The following PRLR variants were observed in gnomAD, a reference collection of about 807,000 sequenced individuals.
PRLR encodes the protein prolactin receptor.
In PRLR, 13 loss-of-function variants were observed where a neutral mutation model predicts 40.2. The observed-to-expected ratio is 0.32, with a 90% confidence interval of 0.21 to 0.51. The LOEUF is 0.51. Among genes scored for constraint, PRLR ranks in the 20% least tolerant of loss-of-function variants. The probability of loss-of-function intolerance (pLI) is 0.97; values close to 1 mark genes in which losing one functional copy is unlikely to be tolerated. For synonymous variants in PRLR, 269 were observed against 278.7 expected, an observed-to-expected ratio of 0.97 and a Z score of 0.35; for missense variants, 656 against 747.3, an observed-to-expected ratio of 0.88 and a Z score of 1.42.
intron 1 of PRLR, among the ~76,000 whole-genome samples, chr5:35,173,723 C>G (rs1249956932): frequency 6.6e-6 from 1 of 152,206 alleles, no homozygotes; most frequent in Non-Finnish European, 1.5e-5. Flanking sequence ...GAAAGACACA[C>G]TGATGCTTCA....
chr5:35,192,393 A>T (rs1384684906), intron 1 of PRLR, among the ~76,000 whole-genome samples: 1 of 152,034 alleles, frequency 6.6e-6, no homozygotes, highest in Non-Finnish European at 1.5e-5. Flanking sequence ...TTCTCTAAGG[A>T]CTCCAGCATA....
chr5:35,102,505 C>CCA (rs1354273185), intron 2 of PRLR, among the ~76,000 whole-genome samples: 6,384 of 120,590 alleles, frequency 0.053, 363 homozygotes, highest in African/African-American at 0.15. Context: ...CCACTCCTCT[C>CCA]CTCTCCTCTC....
At chr5:35,079,329 C>G (rs1460974747) in intron 5 of PRLR, among the ~76,000 whole-genome samples, 2 of 152,210 alleles carry the variant, frequency 1.3e-5, no homozygotes, top group Admixed American at 6.5e-5. Context: ...AGCCCAAAAT[C>G]TCCTTAAGCT....
chr5:35,199,181 C>G (rs1180911711), intron 1 of PRLR, among the ~76,000 whole-genome samples: 2 of 152,154 alleles, frequency 1.3e-5, no homozygotes, highest in African/African-American at 4.8e-5. Context: ...TCTATGAGCT[C>G]TTCTTAATTA....
intron 1 of PRLR, among the ~76,000 whole-genome samples, chr5:35,227,970 C>T (rs1776592693): frequency 6.6e-6 from 1 of 152,168 alleles, no homozygotes; most frequent in Non-Finnish European, 1.5e-5. Flanking sequence ...ATAGTGCTCT[C>T]CTTGACACTG....
At chr5:35,091,496 G>T (rs1771209177) in intron 2 of PRLR, among the ~76,000 whole-genome samples, 1 of 152,216 alleles carries the variant, frequency 6.6e-6, no homozygotes, top group African/African-American at 2.4e-5. Flanking sequence ...AGATTTAGTA[G>T]ATTGTCAGTC....
intron 5 of PRLR, among the ~76,000 whole-genome samples, chr5:35,075,249 C>A (rs1205443211): frequency 6.6e-6 from 1 of 152,150 alleles, no homozygotes; most frequent in African/African-American, 2.4e-5. Context: ...CATTGTCTCA[C>A]CCGGGAAGTG....
At chr5:35,101,180 T>C (rs2112511378) in intron 2 of PRLR, among the ~76,000 whole-genome samples, 1 of 152,328 alleles carries the variant, frequency 6.6e-6, no homozygotes, top group East Asian at 1.9e-4. Context: ...TTCAGCCCCC[T>C]ACACTGTCAC....
chr5:35,141,232 A>G (rs1459245656), intron 1 of PRLR, among the ~76,000 whole-genome samples: 1 of 145,170 alleles, frequency 6.9e-6, no homozygotes, highest in East Asian at 2.1e-4. Flanking sequence ...ATTCCTTAAT[A>G]CCTGAAAAAA....
intron 1 of PRLR, among the ~76,000 whole-genome samples, chr5:35,221,357 A>G (rs1417942660): frequency 1.3e-5 from 2 of 152,218 alleles, no homozygotes; most frequent in Non-Finnish European, 1.5e-5. Flanking sequence ...GCTTCTGGCA[A>G]TGTGATTTCT....
intron 2 of PRLR, among the ~76,000 whole-genome samples, chr5:35,117,384 C>G (rs769498448): frequency 5.3e-5 from 8 of 152,164 alleles, no homozygotes; most frequent in Non-Finnish European, 8.8e-5. Flanking sequence ...GAGAGTACAG[C>G]CTCAAAGTCG....
At chr5:35,103,952 T>C (rs1454998203) in intron 2 of PRLR, among the ~76,000 whole-genome samples, 5 of 151,020 alleles carry the variant, frequency 3.3e-5, no homozygotes, top group Non-Finnish European at 7.4e-5. Flanking sequence ...ATATTTTCCT[T>C]TTTTTTTTAA....
intron 2 of PRLR, among the ~76,000 whole-genome samples, chr5:35,098,422 G>A (rs1001628467): frequency 2.6e-5 from 4 of 152,164 alleles, no homozygotes; most frequent in East Asian, 3.8e-4. Context: ...TAAAGTGAGC[G>A]GAGAGTAAAT....
chr5:35,114,674 G>A lies in PRLR; in HGVS notation c.-44+3387C>T, dbSNP rs571568139. Among the ~76,000 whole-genome samples the A allele has an allele frequency of 2.8e-3, 428 of 152,306 alleles. 1 individual carries two copies. Among genetic ancestry groups the A allele is most frequent in the African/African-American group, 9.9e-3 (412 of 41,572 alleles). Reference sequence around the variant, plus strand: ...AGATTTCCCTTTGTGTGGGAGCCCAGTGGCTCCCGTATGTGAGTGAAACTC... The same window carrying A: ...AGATTTCCCTTTGTGTGGGAGCCCAATGGCTCCCGTATGTGAGTGAAACTC... On this transcript the variant is annotated intron_variant, in intron 2 of 9. Transcript: ENST00000618457.
chr5:35,227,928 C>T (rs1776591404), intron 1 of PRLR, among the ~76,000 whole-genome samples: 3 of 152,134 alleles, frequency 2.0e-5, no homozygotes, highest in African/African-American at 7.2e-5. Flanking sequence ...GTATCCACGC[C>T]GGTCTGGACA....
At chr5:35,108,336 C>T (rs554036679) in intron 2 of PRLR, among the ~76,000 whole-genome samples, 1 of 152,152 alleles carries the variant, frequency 6.6e-6, no homozygotes, top group African/African-American at 2.4e-5. Context: ...CCCTCTCTCA[C>T]CACTCCTATT....
chr5:35,211,801 C>T (rs1776175230), intron 1 of PRLR, among the ~76,000 whole-genome samples: 1 of 152,056 alleles, frequency 6.6e-6, no homozygotes, highest in African/African-American at 2.4e-5. Flanking sequence ...TAATATGATA[C>T]CAGATTCATA....
chr5:35,191,925 A>T (rs1248356766), intron 1 of PRLR, among the ~76,000 whole-genome samples: 1 of 152,298 alleles, frequency 6.6e-6, no homozygotes, highest in East Asian at 1.9e-4. Flanking sequence ...TGCCAGGAAC[A>T]TGCTACCCAG....
In PRLR at chr5:35,073,454, G is replaced by A. The variant is rs192683852; in HGVS notation, c.374-710C>T. Among the ~76,000 whole-genome samples the A allele has an allele frequency of 3.3e-3, 509 of 152,252 alleles. 5 individuals are homozygous for A. The highest frequency in any genetic ancestry group is 0.011 in the African/African-American group (473 of 41,546). The stretch of plus-strand genomic sequence containing the variant: ...TTTCTCGAGTATTTACTACATGCCA[G>A]GGACTGTATAAAATACTATCTCTGC... On this transcript the variant is annotated intron_variant, in intron 5 of 9. Transcript: ENST00000618457.
Sources: gnomAD v4.1 joint callset for allele counts (sites outside exome capture counted in the v4.1 genomes callset) on GRCh38, gnomAD v4.1.1 for gene constraint, MANE v1.5 for transcripts, NCBI Gene and HGNC (gene_info 2026-07-23, HGNC 2026-07-21) for gene names.